PPP1R13L: variants seen among roughly 807,000 people sequenced by gnomAD.
PPP1R13L encodes the protein relA-associated inhibitor.
Under a neutral mutation model 80.9 loss-of-function variants are expected in PPP1R13L, and 50 were observed. The ratio of observed to expected loss-of-function variants is 0.62; its 90% CI spans 0.49 to 0.78. The LOEUF is 0.78. PPP1R13L is among the 30% of genes least tolerant of loss of function. The probability of loss-of-function intolerance (pLI) is 0.00; values close to 1 mark genes in which losing one functional copy is unlikely to be tolerated. For missense variants in PPP1R13L, 1,200 were observed against 1,205.9 expected (o/e 1.00, Z 0.07); for synonymous variants, 602 against 534.3 (o/e 1.13, Z -1.75).
At chr19:45,402,024 G>A (rs1482786983) in intron 1 of PPP1R13L, 1 of 152,096 alleles carries the variant, frequency 6.6e-6, no homozygotes, top group African/African-American at 2.4e-5. Flanking sequence ...CGTAAAATGG[G>A]GATGAAAGTT....
In PPP1R13L at chr19:45,396,490, C is replaced by A; in HGVS notation, c.713-54G>T. 1 of 1,610,390 alleles carries A rather than the reference C, an allele frequency of 6.2e-7. No homozygotes were observed. Among genetic ancestry groups the A allele is most frequent in the Non-Finnish European group, 8.5e-7 (1 of 1,178,754 alleles). ...ACGGGAGGGGTGGCGAGCCCCGGAT[C>A]CTGCCCGCTTTGACCCCGCGAGTCA... is the stretch of plus-strand genomic sequence containing the variant. On this transcript the variant is annotated intron_variant, in intron 4 of 12. Coordinates refer to ENST00000360957, the MANE Select transcript of PPP1R13L (RefSeq NM_006663.4). The surrounding 1 kb of genome is among the most constrained non-coding windows in gnomAD (Gnocchi z 5.3).
In PPP1R13L at chr19:45,391,905, C is replaced by T; in HGVS notation, c.1790G>A (p.Ser597Asn). ...CATGCTCTGCGGCTGCTCTGGTGGGCTGCTCTGGGACGGGGCCGGGGGTGG... is the reference window on the plus strand; with the variant it reads ...CATGCTCTGCGGCTGCTCTGGTGGGTTGCTCTGGGACGGGGCCGGGGGTGG... ...PIPPPAPSQS[S>N]PPEQPQSMEM... The change falls in exon 8 of 13, where the codon AGC becomes AAC. Residue 597 changes from serine (S) to asparagine (N), a missense_variant. Around this residue, in one of 5 missense-constraint regions of PPP1R13L, gnomAD observed 214 missense variants for 199.6 expected, o/e 1.07. Coordinates refer to ENST00000360957, the MANE Select transcript of PPP1R13L (RefSeq NM_006663.4). 6.7e-7 allele frequency: 1 copy of T among 1,489,690 alleles called. No homozygotes were observed. The highest frequency in any genetic ancestry group is 8.9e-7 in the Non-Finnish European group (1 of 1,123,510). 92.3% of individuals were successfully genotyped at this position (1,489,690 alleles called of 1,614,324 possible).
intron 8 of PPP1R13L, among the ~76,000 whole-genome samples, chr19:45,387,038 G>A (rs1215005947): frequency 6.6e-6 from 1 of 151,930 alleles, no homozygotes; most frequent in Non-Finnish European, 1.5e-5. Flanking sequence ...GGAGGCTGAG[G>A]TGGGAGGATC....
intron 11 of PPP1R13L, among the ~76,000 whole-genome samples, chr19:45,384,472 T>C (rs73559363): frequency 0.015 from 2,278 of 148,686 alleles, 64 homozygotes; most frequent in African/African-American, 0.054. Flanking sequence ...GAGGCAGAGG[T>C]TGTAGTGGGC....
chr19:45,384,391 C>T (rs1972827033), intron 11 of PPP1R13L, among the ~76,000 whole-genome samples: 1 of 117,878 alleles, frequency 8.5e-6, no homozygotes, highest in African/African-American at 3.5e-5. Flanking sequence ...AAAAAGTTAG[C>T]GGGCCGTGGG....
Position 45,380,022 on chromosome 19 carries a change from G to C in PPP1R13L, c.*168C>G. ...AGGCAGATTACTAAATTTAAGGCTGGGGCCCTCCTTCTTCCCTGGACTTCC... is the reference window on the plus strand; with the variant it reads ...AGGCAGATTACTAAATTTAAGGCTGCGGCCCTCCTTCTTCCCTGGACTTCC... On this transcript the variant is annotated 3_prime_UTR_variant, in exon 13 of 13. Coordinates refer to ENST00000360957, the MANE Select transcript of PPP1R13L (RefSeq NM_006663.4). 1 of 734,110 alleles carries C rather than the reference G, an allele frequency of 1.4e-6. No individual in the cohort carries two copies. Among genetic ancestry groups the C allele is most frequent in the Non-Finnish European group, 2.3e-6 (1 of 440,838 alleles). The allele number at this position is 734,110 out of a possible 1,614,324, so 45.5% of individuals were successfully genotyped here.
At chr19:45,397,462 TTC>T (rs750460850) in intron 3 of PPP1R13L, among the ~76,000 whole-genome samples, 1 of 106,914 alleles carries the variant, frequency 9.4e-6, no homozygotes, top group Non-Finnish European at 1.8e-5. Flanking sequence ...CTTGCTTGCT[TTC>T]TCTCTCTCTC....
Position 45,382,638 on chromosome 19 carries a change from G to A in PPP1R13L, c.2337C>T (p.Phe779=). The change falls in exon 12 of 13, where the codon TTC becomes TTT. Residue 779 remains phenylalanine, a synonymous_variant. Transcript: ENST00000360957. ...YSAEFGDELS[F]REGESVTVLR... Reference sequence around the variant, plus strand: ...GCACGGTGACCGACTCGCCCTCGCGGAAGGACAGCTCGTCCCCGAACTCGG... The same window carrying A: ...GCACGGTGACCGACTCGCCCTCGCGAAAGGACAGCTCGTCCCCGAACTCGG... The A allele has an allele frequency of 6.2e-7, 1 of 1,613,894 alleles. No homozygotes were observed. The highest frequency in any genetic ancestry group is 1.1e-5 in the South Asian group (1 of 91,086).
At chr19:45,382,803 C>T (rs1474265475) in intron 11 of PPP1R13L, 77 bp from the exon 12 acceptor site, 2 of 1,417,774 alleles carry the variant, frequency 1.4e-6, no homozygotes, top group Non-Finnish European at 2.0e-6. Context: ...GGGTCCAGGA[C>T]AGACCCTGGA....
intron 8 of PPP1R13L, among the ~76,000 whole-genome samples, chr19:45,390,529 C>T (rs1972950889): frequency 6.6e-6 from 1 of 152,174 alleles, no homozygotes; most frequent in Admixed American, 6.6e-5. Context: ...AGTCACGTTC[C>T]TCACGCTTAC....
chr19:45,385,808 G>A lies in PPP1R13L; in HGVS notation c.2081+16C>T. On this transcript the variant is annotated intron_variant, in intron 10 of 12. Transcript: ENST00000360957. ...GCCCACGGGGGACCCAGCCCACCGCGCGGGTCGGGGCTCACCAGCCGTGGC... is the reference window on the plus strand; with the variant it reads ...GCCCACGGGGGACCCAGCCCACCGCACGGGTCGGGGCTCACCAGCCGTGGC... 1 of 1,609,248 alleles carries A rather than the reference G, an allele frequency of 6.2e-7. No homozygotes were observed. Among genetic ancestry groups the A allele is most frequent in the Non-Finnish European group, 8.5e-7 (1 of 1,178,302 alleles).
intron 8 of PPP1R13L, 90 bp from the exon 9 acceptor site, chr19:45,386,270 G>A (rs904048904): frequency 7.1e-7 from 1 of 1,399,802 alleles, no homozygotes; most frequent in African/African-American, 1.5e-5. Flanking sequence ...AGGGACTTGT[G>A]GCACCCATCT....
intron 12 of PPP1R13L, among the ~76,000 whole-genome samples, chr19:45,381,159 A>G (rs180838897): frequency 2.2e-4 from 33 of 151,040 alleles, no homozygotes; most frequent in African/African-American, 8.0e-4. Flanking sequence ...GGCTTAAGCG[A>G]TTCTCCTGTG....
rs1402436521 is a variant in PPP1R13L, at chr19:45,392,151, G to A, written c.1544C>T (p.Ala515Val). 1.3e-5 allele frequency: 21 copies of A among 1,587,516 alleles called. No individual in the cohort carries two copies. In the Admixed American group the frequency reaches 3.0e-4, roughly 22 times the overall value. Reference sequence around the variant, plus strand: ...GCGTTTGAGGGGCCGGGGAATTTCCGCCAACACCCGTGCCACCTCCTCCAG... The same window carrying A: ...GCGTTTGAGGGGCCGGGGAATTTCCACCAACACCCGTGCCACCTCCTCCAG... The part of the protein sequence containing the change: ...PELEEVARVL[A>V]EIPRPLKRRG... The change falls in exon 8 of 13, where the codon GCG becomes GTG. Residue 515 changes from alanine to valine, a missense_variant. Around this residue, in one of 5 missense-constraint regions of PPP1R13L, gnomAD observed 53 missense variants for 96.5 expected, o/e 0.55. Coordinates refer to ENST00000360957, the MANE Select transcript of PPP1R13L (RefSeq NM_006663.4).
chr19:45,382,615 A>C lies in PPP1R13L; in HGVS notation c.2360T>G (p.Val787Gly), dbSNP rs750903066. ...LSFREGESVT[V>G]LRRDGPEETD... ...CTCCTCCGGCCCGTCCCTCCGCAGCACGGTGACCGACTCGCCCTCGCGGAA... is the reference window on the plus strand; with the variant it reads ...CTCCTCCGGCCCGTCCCTCCGCAGCCCGGTGACCGACTCGCCCTCGCGGAA... The change falls in exon 12 of 13, where the codon GTG (valine) becomes GGG (glycine). Residue 787 changes from valine to glycine, a missense_variant. Transcript: ENST00000360957. The C allele has an allele frequency of 1.2e-6, 2 of 1,613,736 alleles. No homozygotes were observed. The highest frequency in any genetic ancestry group is 1.7e-6 in the Non-Finnish European group (2 of 1,180,022).
chr19:45,386,881 C>A (rs945076486), intron 8 of PPP1R13L, among the ~76,000 whole-genome samples: 1 of 151,740 alleles, frequency 6.6e-6, no homozygotes, highest in Non-Finnish European at 1.5e-5. Flanking sequence ...GGTGATCCAC[C>A]CACCTCAGCC....
Position 45,396,605 on chromosome 19 carries a change from AGGCGGACGCT to A in PPP1R13L, c.642_651del (p.Ala215SerfsTer6). The stretch of plus-strand genomic sequence containing the variant: ...CCGGAGCCTAGCAGGGAGCTCCCGA[AGGCGGACGCT>A]GGCGCGTCGTAGGCTGTGGCAGGGG... On this transcript the variant is annotated frameshift_variant, in exon 4 of 13. Coordinates refer to ENST00000360957, the MANE Select transcript of PPP1R13L (RefSeq NM_006663.4). LOFTEE classifies it high-confidence loss of function. This position sits in a 1 kb window ranked among gnomAD's most constrained non-coding sequence, Gnocchi z 5.3. 1 of 1,495,196 alleles carries A rather than the reference AGGCGGACGCT, an allele frequency of 6.7e-7. No homozygotes were observed. The highest frequency in any genetic ancestry group is 1.4e-5 in the African/African-American group (1 of 71,460). 92.6% of individuals were successfully genotyped at this position (1,495,196 alleles called of 1,614,324 possible).
At chr19:45,388,442 G>T (rs189767196) in intron 8 of PPP1R13L, among the ~76,000 whole-genome samples, 1 of 152,066 alleles carries the variant, frequency 6.6e-6, no homozygotes, top group Non-Finnish European at 1.5e-5. Flanking sequence ...GGGAGTGGTG[G>T]TGCATGCCTG....
Position 45,396,514 on chromosome 19 carries a change from CA to C in PPP1R13L, c.712+30del. On this transcript the variant is annotated intron_variant, in intron 4 of 12. Coordinates refer to ENST00000360957, the MANE Select transcript of PPP1R13L (RefSeq NM_006663.4). This position sits in a 1 kb window ranked among gnomAD's most constrained non-coding sequence, Gnocchi z 5.3. Reference sequence around the variant, plus strand: ...TCCTGCCCGCTTTGACCCCGCGAGTCAAAGGCCCCGCGAGGGGCCCCTGGGT... The same window carrying C: ...TCCTGCCCGCTTTGACCCCGCGAGTCAAGGCCCCGCGAGGGGCCCCTGGGT... 2 of 1,599,222 alleles carry C rather than the reference CA, an allele frequency of 1.3e-6. No homozygotes were observed. Among genetic ancestry groups the C allele is most frequent in the Non-Finnish European group, 1.7e-6 (2 of 1,174,518 alleles).
Sources: gnomAD v4.1 joint callset for allele counts (sites outside exome capture counted in the v4.1 genomes callset) on GRCh38, gnomAD v4.1.1 for gene constraint, gnomAD v4.1.1 regional missense constraint, Gnocchi (gnomAD v3.1) non-coding constraint, MANE v1.5 for transcripts, NCBI Gene and HGNC (gene_info 2026-07-23, HGNC 2026-07-21) for gene names.